JAKMIP3: variants seen among roughly 807,000 people sequenced by gnomAD.
JAKMIP3 encodes the protein janus kinase and microtubule-interacting protein 3.
A neutral mutation model predicts 118.5 loss-of-function variants in JAKMIP3; 58 were observed. The ratio of observed to expected loss-of-function variants is 0.49; its 90% CI spans 0.40 to 0.61. JAKMIP3 has a LOEUF of 0.61. JAKMIP3 is among the 20% of genes least tolerant of loss of function. The pLI is 0.00. For missense variants in JAKMIP3, 950 were observed against 1,109.0 expected, an observed-to-expected ratio of 0.86 and a Z score of 2.04; for synonymous variants, 486 against 451.2, an observed-to-expected ratio of 1.08 and a Z score of -0.98.
At chr10:132,131,985 T>C (rs2050731463) in intron 3 of JAKMIP3, among the ~76,000 whole-genome samples, 1 of 152,138 alleles carries the variant, frequency 6.6e-6, no homozygotes, top group Admixed American at 6.5e-5. Context: ...AAGAAAATCT[T>C]GTTTGAGTCT....
intron 13 of JAKMIP3, among the ~76,000 whole-genome samples, chr10:132,147,314 G>A (rs1314968745): frequency 6.6e-6 from 1 of 152,218 alleles, no homozygotes; most frequent in Non-Finnish European, 1.5e-5. Flanking sequence ...GTCTGCCCCT[G>A]GTGGCCCCTG....
At chr10:132,176,764 C>T (rs1290311443) in intron 23 of JAKMIP3, among the ~76,000 whole-genome samples, 1 of 151,958 alleles carries the variant, frequency 6.6e-6, no homozygotes, top group Non-Finnish European at 1.5e-5. Context: ...GGGGCTTTAC[C>T]TCCCCTCTGG....
In JAKMIP3 at chr10:132,183,348, C is replaced by T. The variant is rs2061628367; in HGVS notation, c.*2095C>T. The T allele has an allele frequency of 6.6e-6, 1 of 152,232 alleles. No individual in the cohort carries two copies. The highest frequency in any genetic ancestry group is 1.5e-5 in the Non-Finnish European group (1 of 68,050). The allele number at this position is 152,232 out of a possible 1,614,324, so 9.4% of individuals were successfully genotyped here. On this transcript the variant is annotated 3_prime_UTR_variant, in exon 24 of 24. Coordinates refer to ENST00000684848, the MANE Select transcript of JAKMIP3 (RefSeq NM_001323087.2). ...GCATGGGAACAACAGCTGCATGGGC[C>T]AGCTGTTTCGGATCTAAAGATGTGC...
At chr10:132,069,582 C>T (rs188189233) in intron 1 of JAKMIP3, among the ~76,000 whole-genome samples, 59 of 152,182 alleles carry the variant, frequency 3.9e-4, no homozygotes, top group African/African-American at 9.4e-4. Context: ...GGCATCCCCC[C>T]CTGCGTGCAG....
intron 19 of JAKMIP3, among the ~76,000 whole-genome samples, chr10:132,159,324 G>A (rs548449423): frequency 8.8e-5 from 10 of 113,818 alleles, no homozygotes; most frequent in African/African-American, 1.7e-4. Context: ...TGCTGAGGGC[G>A]CCTCTCCCTG....
intron 1 of JAKMIP3, among the ~76,000 whole-genome samples, chr10:132,040,899 A>G (rs1035414750): frequency 2.6e-5 from 4 of 151,958 alleles, no homozygotes; most frequent in East Asian, 1.9e-4. Flanking sequence ...TGATTTGACT[A>G]TTTTCAACAC....
chr10:132,042,992 A>C (rs57762366), intron 1 of JAKMIP3, among the ~76,000 whole-genome samples: 2 of 151,098 alleles, frequency 1.3e-5, no homozygotes, highest in Non-Finnish European at 2.9e-5. Flanking sequence ...TACTCGGGAG[A>C]TTGAGGTGGG....
chr10:132,163,478 G>T (rs1222798011), intron 20 of JAKMIP3, 66 bp downstream of exon 20: 9 of 1,445,866 alleles, frequency 6.2e-6, no homozygotes, highest in Non-Finnish European at 8.4e-6. Context: ...AGCCAGGGGG[G>T]GTCCTCCCAC....
intron 23 of JAKMIP3, among the ~76,000 whole-genome samples, chr10:132,180,572 T>TGCGCGC (rs1454752016): frequency 3.4e-5 from 1 of 29,442 alleles, no homozygotes; most frequent in Non-Finnish European, 6.0e-5. Context: ...TGTGTGCGTG[T>TGCGCGC]GTGTGTGCGT....
At chr10:132,093,929 CTATT>C (rs1177434677) in intron 1 of JAKMIP3, among the ~76,000 whole-genome samples, 13 of 125,498 alleles carry the variant, frequency 1.0e-4, no homozygotes, top group African/African-American at 4.2e-4. Context: ...TTTCTTGTAT[CTATT>C]TTTTTTTTTT....
At chr10:132,116,952 T>G in intron 2 of JAKMIP3, 125 bp from the exon 3 acceptor site, 1 of 1,156,776 alleles carries the variant, frequency 8.6e-7, no homozygotes, top group Admixed American at 2.8e-5. Context: ...ACGTGGAAGC[T>G]CCCCTTGAAT....
intron 1 of JAKMIP3, among the ~76,000 whole-genome samples, chr10:132,094,619 A>G (rs1358945898): frequency 6.6e-6 from 1 of 152,116 alleles, no homozygotes; most frequent in Non-Finnish European, 1.5e-5. Flanking sequence ...CCTCTTGGAC[A>G]TGGACACCAG....
At chr10:132,134,109 C>T (rs2051230725) in intron 4 of JAKMIP3, among the ~76,000 whole-genome samples, 1 of 152,226 alleles carries the variant, frequency 6.6e-6, no homozygotes, top group Admixed American at 6.5e-5. Flanking sequence ...CACCCGCTTC[C>T]TTGCTGCCGC....
Position 132,122,728 on chromosome 10 carries a change from C to T in JAKMIP3, c.633+5154C>T, listed in dbSNP as rs6560684. ...AACAGACACCCCAGACAAGCACGGT[C>T]GCTGCTGCCAGGGCAGGGCTGGGCA... On this transcript the variant is annotated intron_variant, in intron 3 of 23. Coordinates refer to ENST00000684848, the MANE Select transcript of JAKMIP3 (RefSeq NM_001323087.2). Among the ~76,000 whole-genome samples, 1,318 of 152,206 alleles carry T rather than the reference C, an allele frequency of 8.7e-3. 15 individuals carry two copies. The highest frequency in any genetic ancestry group is 0.03 in the African/African-American group (1,247 of 41,526).
intron 23 of JAKMIP3, among the ~76,000 whole-genome samples, chr10:132,171,652 C>CTTTTTTTT (rs34371364): frequency 1.5e-5 from 2 of 135,762 alleles, no homozygotes; most frequent in African/African-American, 2.8e-5. Context: ...TTTTTTCTTT[C>CTTTTTTTT]TTTTTTTTTT....
intron 3 of JAKMIP3, among the ~76,000 whole-genome samples, chr10:132,119,199 T>G (rs1430781874): frequency 6.6e-6 from 1 of 152,102 alleles, no homozygotes; most frequent in South Asian, 2.1e-4. Flanking sequence ...CAGGCTTTTT[T>G]TTTGCAGCTA....
chr10:132,065,754 C>T (rs1383761758), upstream of JAKMIP3, among the ~76,000 whole-genome samples: 1 of 152,070 alleles, frequency 6.6e-6, no homozygotes, highest in Non-Finnish European at 1.5e-5. The surrounding 1 kb of genome is among the most constrained non-coding windows in gnomAD (Gnocchi z 5.6). Flanking sequence ...TGTTCGCGCC[C>T]TGCAGGGAGC....
chr10:132,117,624 TGGGCGAGGGTGCA>T lies in JAKMIP3; in HGVS notation c.633+54_633+66del. 3.8e-6 allele frequency: 4 copies of T among 1,039,790 alleles called. No individual in the cohort carries two copies. Among genetic ancestry groups the T allele is most frequent in the East Asian group, 2.7e-5 (1 of 36,916 alleles). 64.4% of individuals were successfully genotyped at this position (1,039,790 alleles called of 1,614,324 possible). A position where few individuals can be genotyped will look rare whatever the true frequency, so the allele number is the denominator to read the frequency against. On this transcript the variant is annotated intron_variant, in intron 3 of 23. Transcript: ENST00000684848. This position sits in a 1 kb window ranked among gnomAD's most constrained non-coding sequence, Gnocchi z 8.6. ...GTGGGCGAGGGTGCAGGGGCGGGCG[TGGGCGAGGGTGCA>T]GGGGCGGGCGTGGGCGAGGGTGCAG...
intron 13 of JAKMIP3, among the ~76,000 whole-genome samples, chr10:132,146,069 C>T (rs1484204475): frequency 6.6e-6 from 1 of 152,154 alleles, no homozygotes; most frequent in Non-Finnish European, 1.5e-5. Flanking sequence ...CGTCACCTGG[C>T]AGGCCCAGGT....
Sources: allele counts gnomAD v4.1 joint callset (sites outside exome capture counted in the v4.1 genomes callset), GRCh38; gene constraint gnomAD v4.1.1; non-coding constraint Gnocchi (gnomAD v3.1); transcripts MANE v1.5; gene names NCBI Gene and HGNC (gene_info 2026-07-23, HGNC 2026-07-21).